Variants in CACNB2 observed in about 807,000 individuals in gnomAD.
CACNB2 encodes the protein calcium voltage-gated channel auxiliary subunit beta 2, also known as voltage-dependent L-type calcium channel subunit beta-2.
CACNB2 carries 42 observed loss-of-function variants against 73.3 expected under a neutral mutation model. The ratio of observed to expected loss-of-function variants is 0.57; its 90% CI spans 0.45 to 0.74. CACNB2 has a LOEUF of 0.74. CACNB2 is among the 30% of genes least tolerant of loss of function. CACNB2 has a pLI of 0.00. For synonymous variants in CACNB2, 348 were observed against 310.3 expected (o/e 1.12, Z -1.28); for missense variants, 940 against 853.0 (o/e 1.10, Z -1.27).
chr10:18,243,436 G>C (rs2036739042), intron 2 of CACNB2, among the ~76,000 whole-genome samples: 1 of 152,164 alleles, frequency 6.6e-6, no homozygotes, highest in East Asian at 1.9e-4. Flanking sequence ...AATGGTGAAA[G>C]AGACTCAACT....
At chr10:18,503,545 G>A (rs943312605) in intron 5 of CACNB2, among the ~76,000 whole-genome samples, 9 of 152,140 alleles carry the variant, frequency 5.9e-5, no homozygotes, top group African/African-American at 2.2e-4. Flanking sequence ...GCAGTGAGCC[G>A]AGATCATGTT....
chr10:18,351,163 T>C (rs12765464), intron 2 of CACNB2, among the ~76,000 whole-genome samples: 1 of 141,312 alleles, frequency 7.1e-6, no homozygotes. Flanking sequence ...TTTTTTTTTT[T>C]CTTTTTTGCT....
At chr10:18,445,383 G>A (rs1197084149) in intron 3 of CACNB2, among the ~76,000 whole-genome samples, 1 of 152,154 alleles carries the variant, frequency 6.6e-6, no homozygotes, top group African/African-American at 2.4e-5. Context: ...GCACTTTAAA[G>A]AAGAATGTGG....
At position 18,534,377 on chromosome 10, in the gene CACNB2, T is replaced by C. The variant is rs141514332; in HGVS notation, c.1206+150T>C. The C allele has an allele frequency of 2.6e-3, 1,939 of 743,554 alleles. 12 individuals are homozygous for C. Among genetic ancestry groups the C allele is most frequent in the African/African-American group, 0.018 (1,053 of 57,184 alleles). 46.1% of individuals were successfully genotyped at this position (743,554 alleles called of 1,614,324 possible). A position where few individuals can be genotyped will look rare whatever the true frequency, so the allele number is the denominator to read the frequency against. Reference sequence around the variant, plus strand: ...ATAGTCAAGAATTTTTAAATTGATATAGTTTCATGGCTTAGAACAGCTGTT... The same window carrying C: ...ATAGTCAAGAATTTTTAAATTGATACAGTTTCATGGCTTAGAACAGCTGTT... On this transcript the variant is annotated intron_variant, in intron 11 of 13. Transcript: ENST00000324631.
At chr10:18,250,534 T>TC (rs1491273872) in intron 2 of CACNB2, among the ~76,000 whole-genome samples, 11 of 86,926 alleles carry the variant, frequency 1.3e-4, no homozygotes, top group Non-Finnish European at 2.7e-4. Flanking sequence ...TATCTCTCTC[T>TC]TTTTTTTTTT....
rs2228645 is a variant in CACNB2 at position 18,539,442 on chromosome 10, C to A, written c.1701C>A (p.Tyr567Ter). 1.9e-6 allele frequency: 3 copies of A among 1,613,610 alleles called. No homozygotes were observed. Among genetic ancestry groups the A allele is most frequent in the East Asian group, 2.2e-5 (1 of 44,832 alleles). The stretch of plus-strand genomic sequence containing the variant: ...CCCAGGAGAGTCGAGACTCTGCCTA[C>A]GTAGAGCCAAAGGAAGATTATTCCC... ...SETQESRDSA[Y>*]VEPKEDYSHD... The change falls in exon 14 of 14, where the codon TAC becomes TAA. Residue 567 changes from tyrosine (Y) to a stop codon, truncating the protein, a stop_gained. Transcript: ENST00000324631. LOFTEE classifies it high-confidence loss of function.
chr10:18,391,230 G>C lies in CACNB2; in HGVS notation c.214-10694G>C, dbSNP rs145678747. Among the ~76,000 whole-genome samples the C allele has an allele frequency of 8.4e-3, 1,284 of 152,240 alleles. 25 individuals carry two copies. Among genetic ancestry groups the C allele is most frequent in the African/African-American group, 0.03 (1,240 of 41,562 alleles). On this transcript the variant is annotated intron_variant, in intron 2 of 13. Transcript: ENST00000324631. ...ACACTGGGGATAGCTTCAAGCTGAA[G>C]CCTTTGTTTTATTCTTTATTCATTA...
chr10:18,506,608 C>G, intron 6 of CACNB2, 61 bp downstream of exon 6: 2 of 1,102,026 alleles, frequency 1.8e-6, no homozygotes, highest in South Asian at 2.5e-5. Flanking sequence ...CCAGCTCTAT[C>G]CAGTTTTGTG....
At chr10:18,489,936 GGCGTGATCA>G (rs1378512069) in intron 3 of CACNB2, among the ~76,000 whole-genome samples, 1 of 152,104 alleles carries the variant, frequency 6.6e-6, no homozygotes, top group African/African-American at 2.4e-5. Context: ...GGAGTGCAGT[GGCGTGATCA>G]TGGCTCACTG....
At chr10:18,414,101 A>G (rs2044793343) in intron 3 of CACNB2, among the ~76,000 whole-genome samples, 1 of 152,238 alleles carries the variant, frequency 6.6e-6, no homozygotes, top group African/African-American at 2.4e-5. Context: ...TGCCTGGGAT[A>G]TGACTGGCAT....
intron 2 of CACNB2, among the ~76,000 whole-genome samples, chr10:18,232,164 G>A (rs1037423277): frequency 6.6e-5 from 10 of 152,164 alleles, no homozygotes; most frequent in African/African-American, 1.9e-4. Context: ...TAAAACCATA[G>A]TGAGAAGAAT....
intron 3 of CACNB2, among the ~76,000 whole-genome samples, chr10:18,496,941 T>G (rs1430889061): frequency 6.6e-6 from 1 of 151,630 alleles, no homozygotes; most frequent in African/African-American, 2.4e-5. Flanking sequence ...CCAGGCATGG[T>G]GTCTCGTACC....
chr10:18,534,182 C>G lies in CACNB2; in HGVS notation c.1161C>G (p.Thr387=), dbSNP rs776048113. ...ATCATCCAGCTCAACTCAGTAAAAC[C>G]TCCTTGGCCCCTATTATAGTATATG... ...TINHPAQLSK[T]SLAPIIVYVK... The change falls in exon 11 of 14, where the codon ACC becomes ACG. Residue 387 remains threonine (T), a synonymous_variant. Coordinates refer to ENST00000324631, the MANE Select transcript of CACNB2 (RefSeq NM_201596.3). 1.2e-6 allele frequency: 2 copies of G among 1,613,532 alleles called. No individual in the cohort carries two copies. Among genetic ancestry groups the G allele is most frequent in the South Asian group, 2.2e-5 (2 of 91,070 alleles).
At chr10:18,396,059 C>G (rs571842594) in intron 2 of CACNB2, among the ~76,000 whole-genome samples, 4 of 152,094 alleles carry the variant, frequency 2.6e-5, no homozygotes, top group Non-Finnish European at 5.9e-5. Flanking sequence ...TAGGTTCAAG[C>G]GATTCTCCTG....
intron 2 of CACNB2, among the ~76,000 whole-genome samples, chr10:18,207,880 C>T (rs1456461953): frequency 6.6e-6 from 1 of 152,118 alleles, no homozygotes; most frequent in African/African-American, 2.4e-5. Flanking sequence ...AAAGAATCAT[C>T]GTTATGAAAA....
chr10:18,213,122 G>A (rs1462349508), intron 2 of CACNB2, among the ~76,000 whole-genome samples: 1 of 152,180 alleles, frequency 6.6e-6, no homozygotes, highest in Non-Finnish European at 1.5e-5. Context: ...TCGTGCACCT[G>A]TGGCCCTTGG....
At chr10:18,413,791 A>G (rs1212100168) in intron 3 of CACNB2, among the ~76,000 whole-genome samples, 7 of 152,194 alleles carry the variant, frequency 4.6e-5, no homozygotes, top group African/African-American at 1.7e-4. Flanking sequence ...CCTCTGTTTG[A>G]CAGGATTCCA....
intron 1 of CACNB2, among the ~76,000 whole-genome samples, chr10:18,142,638 C>T (rs2130988544): frequency 6.6e-6 from 1 of 152,218 alleles, no homozygotes; most frequent in East Asian, 1.9e-4. Flanking sequence ...AAATAGAGTT[C>T]CTAAATTCCT....
intron 2 of CACNB2, among the ~76,000 whole-genome samples, chr10:18,285,122 G>C (rs2038729823): frequency 6.6e-6 from 1 of 152,066 alleles, no homozygotes; most frequent in Non-Finnish European, 1.5e-5. Context: ...TTACAGATGT[G>C]GCACATCTGG....
Sources: allele counts gnomAD v4.1 joint callset (sites outside exome capture counted in the v4.1 genomes callset), GRCh38; gene constraint gnomAD v4.1.1; transcripts MANE v1.5; gene names NCBI Gene and HGNC (gene_info 2026-07-23, HGNC 2026-07-21).